The following RAPGEF5 variants were observed in gnomAD, a reference collection of about 807,000 sequenced individuals.
The protein encoded by RAPGEF5 is Rap guanine nucleotide exchange factor 5.
In RAPGEF5, 65 loss-of-function variants were observed where a neutral mutation model predicts 125.2. The observed-to-expected ratio is 0.52, with a 90% CI of 0.43 to 0.64. RAPGEF5 has a LOEUF of 0.64. Ranked by LOEUF, RAPGEF5 falls within the 30% of genes least tolerant of loss-of-function variation. The probability of loss-of-function intolerance (pLI) is 0.00; values close to 1 mark genes in which losing one functional copy is unlikely to be tolerated. For missense variants in RAPGEF5, 958 were observed against 1,048.1 expected, an observed-to-expected ratio of 0.91 and a Z score of 1.19; for synonymous variants, 391 against 385.9, an observed-to-expected ratio of 1.01 and a Z score of -0.16.
intron 1 of RAPGEF5, among the ~76,000 whole-genome samples, chr7:22,341,805 C>A (rs375701883): frequency 6.6e-6 from 1 of 152,250 alleles, no homozygotes; most frequent in East Asian, 1.9e-4. Flanking sequence ...GGCAGCTCCA[C>A]CCCTGTGGCT....
At chr7:22,190,439 A>T (rs952718281) in intron 11 of RAPGEF5, among the ~76,000 whole-genome samples, 2 of 152,220 alleles carry the variant, frequency 1.3e-5, no homozygotes, top group African/African-American at 4.8e-5. Flanking sequence ...TAAGAAAATC[A>T]TTAGTAGGTT....
chr7:22,273,211 A>ATTTTTTT (rs71026869), intron 6 of RAPGEF5, among the ~76,000 whole-genome samples: 3 of 96,592 alleles, frequency 3.1e-5, no homozygotes, highest in Non-Finnish European at 3.9e-5. Flanking sequence ...ACTTAGGAGT[A>ATTTTTTT]TTTTTTTTTT....
chr7:22,272,455 T>C (rs902973317), intron 6 of RAPGEF5, among the ~76,000 whole-genome samples: 1 of 151,990 alleles, frequency 6.6e-6, no homozygotes, highest in Non-Finnish European at 1.5e-5. Flanking sequence ...GCGTTGTCCT[T>C]ACAAATTAAT....
intron 11 of RAPGEF5, among the ~76,000 whole-genome samples, chr7:22,178,527 G>T (rs1438170730): frequency 6.6e-6 from 1 of 152,198 alleles, no homozygotes; most frequent in African/African-American, 2.4e-5. Context: ...ACAAGTACCT[G>T]TTAAGGGCTC....
At chr7:22,342,562 T>C (rs796275269) in intron 1 of RAPGEF5, among the ~76,000 whole-genome samples, 7 of 152,360 alleles carry the variant, frequency 4.6e-5, no homozygotes, top group African/African-American at 1.7e-4. Flanking sequence ...TCCAAACTTT[T>C]ATGCTCTGCT....
chr7:22,230,813 T>C, intron 8 of RAPGEF5, 33 bp downstream of exon 8: 2 of 1,532,886 alleles, frequency 1.3e-6, no homozygotes, highest in Non-Finnish European at 1.8e-6. Context: ...CACAGAAGGG[T>C]ATGATGAGGG....
chr7:22,333,612 T>C (rs1361397482), intron 1 of RAPGEF5, among the ~76,000 whole-genome samples: 2 of 152,154 alleles, frequency 1.3e-5, no homozygotes, highest in Non-Finnish European at 2.9e-5. Flanking sequence ...AAAACCTTCA[T>C]AGGGGTAGGA....
chr7:22,343,010 T>G (rs913337565), intron 1 of RAPGEF5, among the ~76,000 whole-genome samples: 1 of 152,228 alleles, frequency 6.6e-6, no homozygotes, highest in Non-Finnish European at 1.5e-5. Flanking sequence ...ATCAATTTAC[T>G]GTATTAGTCC....
chr7:22,136,074 G>C lies in RAPGEF5; in HGVS notation c.2380C>G (p.Pro794Ala), dbSNP rs1783069633. ...AAGGGCATGAAAGGGATTTTTGGTG[G>C]CTTCATCTTTTTGAATGCATCTCTG... Reference protein sequence around the residue: ...AYRDAFKKMKPPKIPFMPLLL... With the variant: ...AYRDAFKKMKAPKIPFMPLLL... Residue 794 changes from proline (P) to alanine (A), a missense_variant, in exon 23 of 26, where the codon CCA becomes GCA. By Grantham distance (27) the Pro-to-Ala change is conservative (BLOSUM62 -1). Coordinates refer to ENST00000665637, the MANE Select transcript of RAPGEF5 (RefSeq NM_012294.5). 19 of 1,612,264 alleles carry C rather than the reference G, an allele frequency of 1.2e-5. No individual in the cohort carries two copies. The highest frequency in any genetic ancestry group is 1.6e-5 in the Non-Finnish European group (19 of 1,178,930).
chr7:22,199,922 T>G (rs778398046), intron 9 of RAPGEF5, among the ~76,000 whole-genome samples: 1 of 152,112 alleles, frequency 6.6e-6, no homozygotes, highest in African/African-American at 2.4e-5. Context: ...AACAATATCA[T>G]AGAACAAATG....
At chr7:22,197,581 C>T (rs1319702920) in intron 9 of RAPGEF5, among the ~76,000 whole-genome samples, 1 of 152,110 alleles carries the variant, frequency 6.6e-6, no homozygotes, top group East Asian at 1.9e-4. Flanking sequence ...CCAGGAAGCC[C>T]CCTGGTCTTC....
intron 1 of RAPGEF5, among the ~76,000 whole-genome samples, chr7:22,345,575 G>A (rs528665624): frequency 5.3e-4 from 80 of 152,202 alleles, no homozygotes; most frequent in African/African-American, 1.8e-3. Context: ...ATATGAAAGC[G>A]CTTTGTGAAG....
intron 1 of RAPGEF5, among the ~76,000 whole-genome samples, chr7:22,323,054 A>T (rs1783747407): frequency 6.6e-6 from 1 of 152,202 alleles, no homozygotes; most frequent in African/African-American, 2.4e-5. Flanking sequence ...GCTTGTGTAG[A>T]ACAAAAAGCC....
chr7:22,296,578 G>T (rs753386590), intron 5 of RAPGEF5, among the ~76,000 whole-genome samples: 2 of 145,828 alleles, frequency 1.4e-5, no homozygotes, highest in African/African-American at 4.9e-5. Context: ...AGCCCAGAAG[G>T]TGAAAGCCCA....
intron 7 of RAPGEF5, among the ~76,000 whole-genome samples, chr7:22,266,496 C>T (rs940938899): frequency 2.6e-5 from 4 of 152,086 alleles, no homozygotes; most frequent in Admixed American, 1.3e-4. Context: ...ATCAATCAAT[C>T]CTAGGAATAA....
chr7:22,254,483 C>T (rs1209530417), intron 7 of RAPGEF5, among the ~76,000 whole-genome samples: 1 of 151,680 alleles, frequency 6.6e-6, no homozygotes, highest in Non-Finnish European at 1.5e-5. Flanking sequence ...TGACACATGC[C>T]TGTAATCCCA....
chr7:22,269,411 T>C (rs149360077), intron 6 of RAPGEF5, among the ~76,000 whole-genome samples: 35 of 152,288 alleles, frequency 2.3e-4, no homozygotes, highest in African/African-American at 7.9e-4. Context: ...AGGGACCTGT[T>C]TGCCTTTTCT....
chr7:22,166,071 T>C (rs1289329274), intron 12 of RAPGEF5, among the ~76,000 whole-genome samples: 3 of 145,014 alleles, frequency 2.1e-5, no homozygotes, highest in African/African-American at 7.8e-5. Context: ...ATTATATACA[T>C]ATATATGTAT....
intron 7 of RAPGEF5, among the ~76,000 whole-genome samples, chr7:22,242,823 T>C: frequency 6.6e-6 from 1 of 151,088 alleles, no homozygotes; most frequent in Non-Finnish European, 1.5e-5. Context: ...TGGTTGCTAT[T>C]TGGGAGGCTG....
Sources: allele counts gnomAD v4.1 joint callset (sites outside exome capture counted in the v4.1 genomes callset), GRCh38; gene constraint gnomAD v4.1.1; transcripts MANE v1.5; gene names NCBI Gene and HGNC (gene_info 2026-07-23, HGNC 2026-07-21).